The following LYRM4 variants were observed in gnomAD, a reference collection of about 807,000 sequenced individuals.
LYRM4 encodes LYR motif-containing protein 4.
In LYRM4, 9 loss-of-function variants were observed where a neutral mutation model predicts 11.7. The observed-to-expected ratio is 0.77, with a 90% confidence interval of 0.46 to 1.34. The LOEUF (loss-of-function observed/expected upper bound fraction) is 1.34. LYRM4 is among the 40% of genes most tolerant of loss of function. The pLI is 0.00. For missense variants in LYRM4, 133 were observed against 112.5 expected (o/e 1.18, Z -0.82); for synonymous variants, 42 against 40.4 (o/e 1.04, Z -0.15).
chr6:5,118,079 A>AATATATACATAT (rs1763207489), intron 2 of LYRM4, among the ~76,000 whole-genome samples: 1 of 40,362 alleles, frequency 2.5e-5, no homozygotes, highest in African/African-American at 7.4e-5. Flanking sequence ...TCACCAAAAC[A>AATATATACATAT]ATATATATAT....
intron 2 of LYRM4, among the ~76,000 whole-genome samples, chr6:5,155,264 G>A (rs886623674): frequency 6.6e-6 from 1 of 152,082 alleles, no homozygotes; most frequent in Non-Finnish European, 1.5e-5. Flanking sequence ...ATTTTTAGTA[G>A]AGACGGGGGT....
chr6:5,074,380 G>T, the LYRM4 span, among the ~76,000 whole-genome samples: 1 of 150,234 alleles, frequency 6.7e-6, no homozygotes, highest in African/African-American at 2.5e-5. Flanking sequence ...AATGAGATGG[G>T]GAGAGAAGCA....
In LYRM4 at chr6:5,147,314, CGT is replaced by C. The variant is rs370715151; in HGVS notation, c.208-37825_208-37824del. On this transcript the variant is annotated intron_variant, in intron 2 of 2. Coordinates refer to ENST00000330636, the MANE Select transcript of LYRM4 (RefSeq NM_020408.6). ...CAGTTTAATGACTCCAGGAAGTAAA[CGT>C]GTGTAGTTATGGTCTAGCTAAAGTC... Among the ~76,000 whole-genome samples the C allele has an allele frequency of 5.3e-3, 801 of 152,220 alleles. 8 individuals are homozygous for C. Among genetic ancestry groups the C allele is most frequent in the African/African-American group, 0.018 (764 of 41,544 alleles).
chr6:5,192,251 G>T (rs559662343), intron 2 of LYRM4, among the ~76,000 whole-genome samples: 2 of 152,236 alleles, frequency 1.3e-5, no homozygotes, highest in East Asian at 3.9e-4. Flanking sequence ...ACTTCTGACT[G>T]AAGATGGCCT....
intron 2 of LYRM4, among the ~76,000 whole-genome samples, chr6:5,160,787 C>T (rs148448785): frequency 5.9e-5 from 9 of 152,244 alleles, no homozygotes; most frequent in South Asian, 4.1e-4. Context: ...GCTCAGTGCA[C>T]GGTTCTGCAG....
chr6:5,152,552 C>T (rs9378939), intron 2 of LYRM4, among the ~76,000 whole-genome samples: 69,149 of 152,112 alleles, frequency 0.45, 16,553 homozygotes, highest in East Asian at 0.78. Context: ...TGGAGGCAAA[C>T]GGAGAAGTGA....
At chr6:5,067,162 C>T in the LYRM4 span, among the ~76,000 whole-genome samples, 1 of 152,254 alleles carries the variant, frequency 6.6e-6, no homozygotes, top group South Asian at 2.1e-4. Flanking sequence ...AAGTTCACCA[C>T]ATTCCCCATG....
At chr6:5,047,129 G>C in the LYRM4 span, among the ~76,000 whole-genome samples, 2 of 152,160 alleles carry the variant, frequency 1.3e-5, no homozygotes, top group Non-Finnish European at 2.9e-5. Flanking sequence ...CAGATTCAAG[G>C]GGATAGGATT....
At chr6:5,202,495 G>T (rs951057554) in intron 2 of LYRM4, among the ~76,000 whole-genome samples, 1 of 152,162 alleles carries the variant, frequency 6.6e-6, no homozygotes, top group Non-Finnish European at 1.5e-5. Context: ...ATCCCAAGAG[G>T]CTGCAAAAGG....
chr6:5,119,578 G>A (rs919537841), intron 2 of LYRM4, among the ~76,000 whole-genome samples: 5 of 151,934 alleles, frequency 3.3e-5, no homozygotes, highest in Admixed American at 6.6e-5. Context: ...CTTGTGGCCA[G>A]GAGTTCAACA....
the LYRM4 span, among the ~76,000 whole-genome samples, chr6:5,057,348 A>G: frequency 1.3e-5 from 2 of 151,934 alleles, no homozygotes; most frequent in South Asian, 4.2e-4. Flanking sequence ...CTCCCTGCCC[A>G]CCCTTTCCCT....
chr6:5,216,626 G>GA lies in LYRM4; in HGVS notation c.198dup (p.Arg67SerfsTer13). 1 of 1,613,914 alleles carries GA rather than the reference G, an allele frequency of 6.2e-7. No individual in the cohort carries two copies. The highest frequency in any genetic ancestry group is 8.5e-7 in the Non-Finnish European group (1 of 1,179,990). On this transcript the variant is annotated frameshift_variant, in exon 2 of 3. Coordinates refer to ENST00000330636, the MANE Select transcript of LYRM4 (RefSeq NM_020408.6). LOFTEE classifies it high-confidence loss of function. ...TCATTGAACCATCTTACCTGTCGACGAATTACTCCAAGGTCTCTCTTGGCT... is the reference window on the plus strand; with the variant it reads ...TCATTGAACCATCTTACCTGTCGACGAAATTACTCCAAGGTCTCTCTTGGCT...
intron 2 of LYRM4, among the ~76,000 whole-genome samples, chr6:5,202,933 G>A (rs1245048320): frequency 6.6e-6 from 1 of 152,096 alleles, no homozygotes; most frequent in Non-Finnish European, 1.5e-5. Flanking sequence ...TCAGTGTGTA[G>A]GGCACTGTGA....
chr6:5,114,339 A>T (rs1391778880), intron 2 of LYRM4, among the ~76,000 whole-genome samples: 1 of 152,178 alleles, frequency 6.6e-6, no homozygotes, highest in Non-Finnish European at 1.5e-5. Context: ...GCTTTCTTTT[A>T]TGTGTGAGAA....
chr6:5,171,217 A>G (rs1331002937), intron 2 of LYRM4, among the ~76,000 whole-genome samples: 4 of 152,184 alleles, frequency 2.6e-5, no homozygotes, highest in Non-Finnish European at 5.9e-5. Context: ...TAAAAAAGCA[A>G]TACTTCCCTT....
chr6:5,094,827 AG>A, the LYRM4 span, among the ~76,000 whole-genome samples: 1 of 152,354 alleles, frequency 6.6e-6, no homozygotes, highest in African/African-American at 2.4e-5. Flanking sequence ...GTACTTTAAA[AG>A]GGATCGCTGA....
At chr6:5,249,673 C>T (rs928079770) in intron 1 of LYRM4, among the ~76,000 whole-genome samples, 1 of 152,144 alleles carries the variant, frequency 6.6e-6, no homozygotes, top group African/African-American at 2.4e-5. Context: ...GCCAGGAGGA[C>T]CCGCCTTAAC....
At chr6:5,106,208 T>G (rs954862384), downstream of LYRM4, 1 of 152,336 alleles carries the variant, frequency 6.6e-6, no homozygotes, top group Non-Finnish European at 1.5e-5. Flanking sequence ...ACAGGCTTTA[T>G]GAAGGTACGT....
At chr6:5,246,508 A>G (rs145278881) in intron 1 of LYRM4, among the ~76,000 whole-genome samples, 1 of 152,316 alleles carries the variant, frequency 6.6e-6, no homozygotes, top group Non-Finnish European at 1.5e-5. Flanking sequence ...TGCCCAGCAC[A>G]CAGCTCAGTT....
Sources: allele counts gnomAD v4.1 joint callset (sites outside exome capture counted in the v4.1 genomes callset), GRCh38; gene constraint gnomAD v4.1.1; transcripts MANE v1.5; gene names NCBI Gene and HGNC (gene_info 2026-07-23, HGNC 2026-07-21).